VRK2: variants seen among roughly 807,000 people sequenced by gnomAD.
VRK2 encodes the protein serine/threonine-protein kinase VRK2.
VRK2 carries 60 observed loss-of-function variants against 57.6 expected under a neutral mutation model. That is an observed-to-expected ratio of 1.04 (90% CI 0.85 to 1.29). The LOEUF is 1.29. VRK2 is among the 50% of genes most tolerant of loss of function. The pLI, the probability that VRK2 is intolerant of heterozygous loss-of-function variation, is 0.00. For synonymous variants in VRK2, 231 were observed against 199.2 expected, an observed-to-expected ratio of 1.16 and a Z score of -1.35; for missense variants, 705 against 588.1, an observed-to-expected ratio of 1.20 and a Z score of -2.06.
chr2:58,085,747 CTTG>C, intron 4 of VRK2, among the ~76,000 whole-genome samples: 1 of 151,766 alleles, frequency 6.6e-6, no homozygotes, highest in East Asian at 1.9e-4. Flanking sequence ...ATCCATTAAA[CTTG>C]ATTGTTTATC....
intron 1 of VRK2, among the ~76,000 whole-genome samples, chr2:57,967,981 C>T (rs888453442): frequency 3.3e-5 from 5 of 151,966 alleles, no homozygotes; most frequent in Non-Finnish European, 5.9e-5. Context: ...TGTAAAAGAA[C>T]ATTATCTCTA....
intron 7 of VRK2, among the ~76,000 whole-genome samples, chr2:58,120,018 G>T (rs1677178665): frequency 6.6e-6 from 1 of 151,744 alleles, no homozygotes; most frequent in Non-Finnish European, 1.5e-5. Context: ...AACAGCAAGT[G>T]TTGTTGGAGA....
chr2:57,955,902 T>C (rs748274443), intron 1 of VRK2, among the ~76,000 whole-genome samples: 54 of 152,304 alleles, frequency 3.5e-4, no homozygotes, highest in Admixed American at 2.0e-3. Context: ...TTTTTCACCA[T>C]TGGGAAGATT....
chr2:58,032,186 T>C (rs1385092642), intron 2 of VRK2, among the ~76,000 whole-genome samples: 1 of 152,134 alleles, frequency 6.6e-6, no homozygotes, highest in Non-Finnish European at 1.5e-5. Context: ...GTGCTTACTT[T>C]TTACTCATAC....
intron 7 of VRK2, among the ~76,000 whole-genome samples, chr2:58,118,275 C>T (rs1417189904): frequency 2.0e-5 from 3 of 152,326 alleles, no homozygotes; most frequent in South Asian, 2.1e-4. Context: ...AGGCAGGTGT[C>T]CCTGCGTGGT....
chr2:57,938,501 G>T (rs1259139874), intron 1 of VRK2, among the ~76,000 whole-genome samples: 1 of 150,646 alleles, frequency 6.6e-6, no homozygotes, highest in African/African-American at 2.5e-5. Context: ...TGTAATTTTT[G>T]TAATTGAAAT....
intron 1 of VRK2, among the ~76,000 whole-genome samples, chr2:57,967,920 C>A (rs1041165465): frequency 6.6e-6 from 1 of 151,896 alleles, no homozygotes; most frequent in Non-Finnish European, 1.5e-5. Context: ...CAGAAAACAA[C>A]AAATACAAAA....
chr2:57,926,998 T>TTGTGTGTGCGTGTGTGTGTG (rs1670561374), intron 1 of VRK2, among the ~76,000 whole-genome samples: 1 of 142,758 alleles, frequency 7.0e-6, no homozygotes, highest in African/African-American at 2.6e-5. Context: ...TTTTAATTTC[T>TTGTGTGTGCGTGTGTGTGTG]TGTGTGTGTG....
chr2:58,141,320 A>G (rs1237706064), intron 11 of VRK2, among the ~76,000 whole-genome samples: 2 of 151,970 alleles, frequency 1.3e-5, no homozygotes, highest in Non-Finnish European at 2.9e-5. Flanking sequence ...ACTGATAGCT[A>G]TATCCTCTGA....
intron 8 of VRK2, among the ~76,000 whole-genome samples, chr2:58,128,576 C>A (rs1010668729): frequency 3.3e-5 from 5 of 152,124 alleles, no homozygotes; most frequent in African/African-American, 9.7e-5. Context: ...AGGTGATCTG[C>A]CCACCTCAGC....
At chr2:57,920,222 C>T (rs1232393837) in intron 1 of VRK2, among the ~76,000 whole-genome samples, 3 of 152,136 alleles carry the variant, frequency 2.0e-5, no homozygotes, top group Non-Finnish European at 2.9e-5. Flanking sequence ...TGCATACACT[C>T]TTCCCATATT....
intron 7 of VRK2, among the ~76,000 whole-genome samples, chr2:58,100,813 CTA>C (rs1231841588): frequency 6.6e-6 from 1 of 151,568 alleles, no homozygotes; most frequent in Non-Finnish European, 1.5e-5. Context: ...AAAATAAACT[CTA>C]TGCTAAATTT....
chr2:57,959,150 A>T (rs1220825792), intron 1 of VRK2, among the ~76,000 whole-genome samples: 1 of 152,226 alleles, frequency 6.6e-6, no homozygotes, highest in Non-Finnish European at 1.5e-5. Flanking sequence ...TGAAATGCAG[A>T]AAGTAGAACA....
At position 58,135,160 on chromosome 2, in the gene VRK2, C is replaced by T. The variant is rs753290532; in HGVS notation, c.817C>T (p.Gln273Ter). 3 of 1,614,146 alleles carry T rather than the reference C, an allele frequency of 1.9e-6. No individual in the cohort carries two copies. The highest frequency in any genetic ancestry group is 1.6e-4 in the Middle Eastern group (1 of 6,062). ...TTTTAGTCTGTTGGACGAGCTCCCC[C>T]AGTCAGTGCTTAAATGGGCTCCTTC... Reference protein sequence around the residue: ...AKTNLLDELPQSVLKWAPSGS... With the variant: ...AKTNLLDELP Residue 273 changes from glutamine to a stop codon, truncating the protein, a stop_gained, in exon 10 of 13, where the codon CAG (glutamine) becomes TAG (stop). Transcript: ENST00000340157. LOFTEE classifies it high-confidence loss of function.
At chr2:57,933,745 G>C (rs1296104982) in intron 1 of VRK2, among the ~76,000 whole-genome samples, 1 of 151,766 alleles carries the variant, frequency 6.6e-6, no homozygotes, top group East Asian at 1.9e-4. Context: ...TTGATAGATC[G>C]AGATTTGCAA....
chr2:58,116,173 G>A (rs1230303271), intron 7 of VRK2, among the ~76,000 whole-genome samples: 1 of 152,128 alleles, frequency 6.6e-6, no homozygotes, highest in Non-Finnish European at 1.5e-5. Context: ...TATTGGCATT[G>A]AGTGGGGTGA....
chr2:58,121,628 T>C, intron 7 of VRK2, among the ~76,000 whole-genome samples: 1 of 152,324 alleles, frequency 6.6e-6, no homozygotes, highest in South Asian at 2.1e-4. Flanking sequence ...GTTTAAAATA[T>C]CTCTTACTGA....
chr2:57,941,372 C>T (rs1422293196), intron 1 of VRK2, among the ~76,000 whole-genome samples: 1 of 152,130 alleles, frequency 6.6e-6, no homozygotes, highest in African/African-American at 2.4e-5. Flanking sequence ...GAACTGGACA[C>T]ATACTGTGTT....
At position 58,135,939 on chromosome 2, in the gene VRK2, A is replaced by G. The variant is rs537172797; in HGVS notation, c.856+740A>G. On this transcript the variant is annotated intron_variant, in intron 10 of 12. Transcript: ENST00000340157. ...ATCAGTCTTGCTTTTTTTCAGAGAC[A>G]GATAATCAGAGTGAATCTTGTTTTC... Among the ~76,000 whole-genome samples the G allele has an allele frequency of 3.3e-5, 5 of 152,336 alleles. No individual in the cohort carries two copies. In the South Asian group the frequency reaches 1.0e-3, roughly 32 times the overall value.
Sources: gnomAD v4.1 joint callset for allele counts (sites outside exome capture counted in the v4.1 genomes callset) on GRCh38, gnomAD v4.1.1 for gene constraint, MANE v1.5 for transcripts, NCBI Gene and HGNC (gene_info 2026-07-23, HGNC 2026-07-21) for gene names.